The following CGA variants were observed in gnomAD, a reference collection of about 807,000 sequenced individuals.
CGA encodes glycoprotein hormones alpha chain.
CGA carries 4 observed loss-of-function variants against 12.0 expected under a neutral mutation model. The observed-to-expected ratio is 0.33, with a 90% CI of 0.16 to 0.76. CGA has a LOEUF of 0.76. CGA is among the 30% of genes least tolerant of loss of function. CGA has a pLI of 0.60. For missense variants in CGA, 102 were observed against 143.5 expected (o/e 0.71, Z 1.48); for synonymous variants, 60 against 56.6 (o/e 1.06, Z -0.27).
Position 87,088,218 on chromosome 6 carries a change from A to C in CGA, c.-7-11T>G. 1.5e-6 allele frequency: 2 copies of C among 1,293,606 alleles called. No homozygotes were observed. Among genetic ancestry groups the C allele is most frequent in the Non-Finnish European group, 2.0e-6 (2 of 990,606 alleles). 80.1% of individuals were successfully genotyped at this position (1,293,606 alleles called of 1,614,324 possible). A position where few individuals can be genotyped will look rare whatever the true frequency, so the allele number is the denominator to read the frequency against. On this transcript the variant is annotated splice_polypyrimidine_tract_variant and intron_variant, in intron 1 of 3. Coordinates refer to ENST00000627148, the MANE Select transcript of CGA (RefSeq NM_000735.4). ...TAATCCATGGCGCTCCTGCAGACAGACATGGCAAAAAAAAAAAAACAAAAA... is the reference window on the plus strand; with the variant it reads ...TAATCCATGGCGCTCCTGCAGACAGCCATGGCAAAAAAAAAAAAACAAAAA...
intron 1 of CGA, among the ~76,000 whole-genome samples, chr6:87,090,193 T>A (rs1769405811): frequency 6.6e-6 from 1 of 152,194 alleles, no homozygotes; most frequent in Admixed American, 6.5e-5. Context: ...ATAAATATTG[T>A]TCTAAGTCAG....
chr6:87,086,571 G>T, intron 2 of CGA, 137 bp from the exon 3 acceptor site: 1 of 722,278 alleles, frequency 1.4e-6, no homozygotes, highest in Non-Finnish European at 2.2e-6. Flanking sequence ...GAGCTCAGGA[G>T]TTTGAGAGCA....
In CGA at chr6:87,085,760, G is replaced by A; in HGVS notation, c.347C>T (p.Ser116Phe). Residue 116 changes from serine (S) to phenylalanine (F), a missense_variant, in exon 4 of 4, where the codon TCT (serine) becomes TTT (phenylalanine). Ser to Phe is a radical substitution (Grantham distance 155). Coordinates refer to ENST00000627148, the MANE Select transcript of CGA (RefSeq NM_000735.4). Reference sequence around the variant, plus strand: ...AGACAGCACTTGGTAAAACATTTAAGATTTGTGATAATAACAAGTACTGCA... The same window carrying A: ...AGACAGCACTTGGTAAAACATTTAAAATTTGTGATAATAACAAGTACTGCA... ...CHCSTCYYHKS is the reference protein window; with the variant it reads ...CHCSTCYYHKF The A allele has an allele frequency of 6.2e-7, 1 of 1,607,532 alleles. No homozygotes were observed. The highest frequency in any genetic ancestry group is 1.7e-4 in the Middle Eastern group (1 of 6,048).
chr6:87,091,133 T>A (rs930126287), intron 1 of CGA, among the ~76,000 whole-genome samples: 1 of 152,160 alleles, frequency 6.6e-6, no homozygotes, highest in Admixed American at 6.5e-5. Flanking sequence ...AACAACTATA[T>A]CAGAATTAAT....
intron 2 of CGA, chr6:87,087,669 A>G (rs544478625): frequency 6.6e-6 from 1 of 152,592 alleles, no homozygotes; most frequent in South Asian, 2.1e-4. Context: ...ACCAGCTACT[A>G]TATGAGATTT....
chr6:87,086,206 T>C (rs746721592), intron 3 of CGA, 44 bp downstream of exon 3: 1 of 1,538,534 alleles, frequency 6.5e-7, no homozygotes, highest in Admixed American at 1.9e-5. Flanking sequence ...AACATTTCTC[T>C]GATTGGGCTG....
intron 1 of CGA, among the ~76,000 whole-genome samples, chr6:87,089,603 T>A (rs1352402700): frequency 6.6e-6 from 1 of 152,230 alleles, no homozygotes; most frequent in African/African-American, 2.4e-5. Flanking sequence ...AAGGTACATA[T>A]GAGTCAAAAC....
chr6:87,089,336 C>T (rs1374936288), intron 1 of CGA, among the ~76,000 whole-genome samples: 1 of 151,920 alleles, frequency 6.6e-6, no homozygotes, highest in Non-Finnish European at 1.5e-5. Context: ...CACTAATCTA[C>T]ACATGGGATA....
intron 1 of CGA, among the ~76,000 whole-genome samples, chr6:87,093,128 G>T (rs926685047): frequency 9.9e-5 from 15 of 152,058 alleles, no homozygotes; most frequent in Admixed American, 2.6e-4. Flanking sequence ...TTACACCTGT[G>T]TCATATATTA....
At chr6:87,086,620 T>C in intron 2 of CGA, 186 bp from the exon 3 acceptor site, 1 of 562,588 alleles carries the variant, frequency 1.8e-6, no homozygotes. Flanking sequence ...CTACAAAAAA[T>C]ACAACAACAA....
chr6:87,086,654 T>G (rs1305175930), intron 2 of CGA: 2 of 505,136 alleles, frequency 4.0e-6, no homozygotes, highest in Non-Finnish European at 7.0e-6. Context: ...GACGTGATGG[T>G]GCACACCTGT....
chr6:87,092,042 T>A (rs902317230), intron 1 of CGA, among the ~76,000 whole-genome samples: 6 of 151,596 alleles, frequency 4.0e-5, no homozygotes, highest in Admixed American at 3.9e-4. Flanking sequence ...AGAAAAGAAG[T>A]GGGCATCTCA....
At chr6:87,093,002 C>T (rs1282743110) in intron 1 of CGA, among the ~76,000 whole-genome samples, 1 of 152,076 alleles carries the variant, frequency 6.6e-6, no homozygotes, top group Non-Finnish European at 1.5e-5. Context: ...TGATCTTCAA[C>T]TCCTGGGCTC....
chr6:87,090,802 T>TA (rs1445133951), intron 1 of CGA, among the ~76,000 whole-genome samples: 1 of 106,330 alleles, frequency 9.4e-6, no homozygotes, highest in Non-Finnish European at 1.9e-5. Context: ...CACGCTTGGC[T>TA]AATTTTTTTT....
intron 1 of CGA, among the ~76,000 whole-genome samples, chr6:87,090,075 G>A (rs909655463): frequency 1.1e-4 from 16 of 152,122 alleles, no homozygotes; most frequent in Non-Finnish European, 2.4e-4. Context: ...TTCAGATTGT[G>A]TAAGTATGAA....
intron 2 of CGA, 37 bp downstream of exon 2, chr6:87,088,076 T>C (rs1278948072): frequency 3.3e-6 from 4 of 1,215,144 alleles, no homozygotes; most frequent in Non-Finnish European, 4.7e-6. Context: ...AAATGTGTGT[T>C]GTCCTTATTA....
At chr6:87,091,572 G>C (rs1000517628) in intron 1 of CGA, among the ~76,000 whole-genome samples, 13 of 152,060 alleles carry the variant, frequency 8.5e-5, no homozygotes, top group African/African-American at 3.1e-4. Context: ...AACTTCAAAG[G>C]CCCTGTACAC....
intron 2 of CGA, 97 bp from the exon 3 acceptor site, chr6:87,086,531 C>T (rs1458395913): frequency 1.4e-5 from 17 of 1,190,010 alleles, no homozygotes; most frequent in Middle Eastern, 2.1e-4. Flanking sequence ...AATCCTAGCA[C>T]TTTGGGAGGC....
intron 1 of CGA, chr6:87,088,893 T>G (rs778297635): frequency 6.6e-6 from 1 of 152,232 alleles, no homozygotes; most frequent in Non-Finnish European, 1.5e-5. Flanking sequence ...GTTGCACTTT[T>G]GGGCATTTAT....
Sources: allele counts gnomAD v4.1 joint callset (sites outside exome capture counted in the v4.1 genomes callset), GRCh38; gene constraint gnomAD v4.1.1; transcripts MANE v1.5; gene names NCBI Gene and HGNC (gene_info 2026-07-23, HGNC 2026-07-21).